CEP63: variants seen among roughly 807,000 people sequenced by gnomAD.
CEP63 encodes the protein centrosomal protein 63.
A neutral mutation model predicts 89.1 loss-of-function variants in CEP63; 84 were observed. The observed-to-expected ratio is 0.94, with a 90% CI of 0.79 to 1.13. The LOEUF (loss-of-function observed/expected upper bound fraction) is 1.13. Ranked by LOEUF, CEP63 falls within the 50% of genes most tolerant of loss-of-function variation. The probability of loss-of-function intolerance (pLI) is 0.00; values close to 1 mark genes in which losing one functional copy is unlikely to be tolerated. For missense variants in CEP63, 838 were observed against 813.3 expected (o/e 1.03, Z -0.37); for synonymous variants, 267 against 272.5 (o/e 0.98, Z 0.20).
the CEP63 span, among the ~76,000 whole-genome samples, chr3:134,704,401 G>C: frequency 6.6e-6 from 1 of 151,980 alleles, no homozygotes; most frequent in Non-Finnish European, 1.5e-5. Flanking sequence ...ACATTTAGTA[G>C]GGGAGGGAAA....
At chr3:134,571,448 G>A (rs1044065644) in intron 11 of CEP63, among the ~76,000 whole-genome samples, 3 of 152,190 alleles carry the variant, frequency 2.0e-5, no homozygotes, top group African/African-American at 4.8e-5. Flanking sequence ...TTGGGAGACC[G>A]AGGCAGGTGG....
chr3:134,698,578 G>A, the CEP63 span, among the ~76,000 whole-genome samples: 1 of 152,198 alleles, frequency 6.6e-6, no homozygotes, highest in Non-Finnish European at 1.5e-5. Flanking sequence ...TGCCTGTCAG[G>A]CAGAGATTAT....
At chr3:134,581,599 A>G (rs1958348857) in intron 10 of CEP63, among the ~76,000 whole-genome samples, 1 of 151,864 alleles carries the variant, frequency 6.6e-6, no homozygotes, top group South Asian at 2.1e-4. Context: ...AAACAAACAA[A>G]CAAGCAAACA....
chr3:134,567,377 ACT>A (rs1461006993), downstream of CEP63, among the ~76,000 whole-genome samples: 1 of 151,004 alleles, frequency 6.6e-6, no homozygotes, highest in Non-Finnish European at 1.5e-5. Context: ...TGGTTGCACA[ACT>A]CTGAATATAA....
At chr3:134,671,384 C>T in the CEP63 span, among the ~76,000 whole-genome samples, 10 of 152,218 alleles carry the variant, frequency 6.6e-5, no homozygotes, top group Admixed American at 5.9e-4. Context: ...CTATTGGGTA[C>T]GATGTTCATT....
At chr3:134,684,942 G>A in the CEP63 span, among the ~76,000 whole-genome samples, 3 of 152,116 alleles carry the variant, frequency 2.0e-5, no homozygotes, top group Non-Finnish European at 4.4e-5. Context: ...TCCTCGCTGG[G>A]GCTAGGGAGA....
At chr3:134,780,289 C>A in the CEP63 span, among the ~76,000 whole-genome samples, 1 of 152,130 alleles carries the variant, frequency 6.6e-6, no homozygotes, top group Admixed American at 6.5e-5. Context: ...ATAAAATTTT[C>A]ATTTCAGCCA....
the CEP63 span, among the ~76,000 whole-genome samples, chr3:134,660,014 G>A: frequency 6.6e-6 from 1 of 152,250 alleles, no homozygotes; most frequent in South Asian, 2.1e-4. Context: ...CAGCTAATAA[G>A]CCGCGGTCCT....
the CEP63 span, among the ~76,000 whole-genome samples, chr3:134,703,968 G>A: frequency 6.6e-6 from 1 of 152,062 alleles, no homozygotes; most frequent in Non-Finnish European, 1.5e-5. Flanking sequence ...TTTCCCATTG[G>A]CTTCTGGATT....
chr3:134,550,732 A>G (rs1293187566), intron 11 of CEP63, among the ~76,000 whole-genome samples: 1 of 152,190 alleles, frequency 6.6e-6, no homozygotes, highest in Admixed American at 6.5e-5. Context: ...TACGTTAGCC[A>G]CGTAAAGGAG....
chr3:134,558,376 T>C (rs1260801894), intron 13 of CEP63, 29 bp downstream of exon 13: 1 of 1,352,128 alleles, frequency 7.4e-7, no homozygotes, highest in African/African-American at 1.4e-5. Context: ...TTATTTAAAA[T>C]GTGTATTGGT....
chr3:134,663,031 T>C, the CEP63 span, among the ~76,000 whole-genome samples: 2 of 152,148 alleles, frequency 1.3e-5, no homozygotes, highest in African/African-American at 4.8e-5. Flanking sequence ...TGATCCAGGA[T>C]CTCCTCTTGG....
the CEP63 span, among the ~76,000 whole-genome samples, chr3:134,594,002 C>T: frequency 1.3e-5 from 2 of 152,200 alleles, no homozygotes; most frequent in African/African-American, 4.8e-5. Flanking sequence ...AGGGGACAGC[C>T]TTCAAGTGCT....
At chr3:134,635,137 C>G in the CEP63 span, among the ~76,000 whole-genome samples, 6 of 152,210 alleles carry the variant, frequency 3.9e-5, no homozygotes, top group Non-Finnish European at 8.8e-5. Flanking sequence ...TCACCCTGAA[C>G]TGGAAACAAC....
At chr3:134,696,681 C>CGT in the CEP63 span, among the ~76,000 whole-genome samples, 1 of 151,824 alleles carries the variant, frequency 6.6e-6, no homozygotes, top group Non-Finnish European at 1.5e-5. Context: ...TCCATGCCCA[C>CGT]GTGTGTGTGT....
the CEP63 span, among the ~76,000 whole-genome samples, chr3:134,663,013 C>T: frequency 1.3e-4 from 20 of 152,304 alleles, no homozygotes; most frequent in East Asian, 3.7e-3. Flanking sequence ...TGTCCAGCTT[C>T]GCTTTTCTGA....
At chr3:134,746,361 G>A in the CEP63 span, among the ~76,000 whole-genome samples, 1 of 152,124 alleles carries the variant, frequency 6.6e-6, no homozygotes, top group Non-Finnish European at 1.5e-5. Context: ...TTGCTATTGT[G>A]AATAGTGCTG....
the CEP63 span, among the ~76,000 whole-genome samples, chr3:134,652,441 A>C: frequency 6.6e-6 from 1 of 150,464 alleles, no homozygotes; most frequent in Non-Finnish European, 1.5e-5. Flanking sequence ...TTGCATTACC[A>C]GCGCCCCCCC....
chr3:134,608,554 A>G, the CEP63 span: 8 of 1,609,518 alleles, frequency 5.0e-6, no homozygotes, highest in Non-Finnish European at 6.8e-6. Flanking sequence ...CTGGAAGGGC[A>G]TGCCTTGAAA....
Sources: gnomAD v4.1 joint callset for allele counts (sites outside exome capture counted in the v4.1 genomes callset) on GRCh38, gnomAD v4.1.1 for gene constraint, MANE v1.5 for transcripts, NCBI Gene and HGNC (gene_info 2026-07-23, HGNC 2026-07-21) for gene names.